MCM2: variants seen among roughly 807,000 people sequenced by gnomAD.
The protein encoded by MCM2 is DNA replication licensing factor MCM2.
A neutral mutation model predicts 86.4 loss-of-function variants in MCM2; 49 were observed. The observed-to-expected ratio is 0.57, with a 90% CI of 0.45 to 0.72. The LOEUF (loss-of-function observed/expected upper bound fraction) is 0.72. MCM2 is among the 30% of genes least tolerant of loss of function. The pLI, the probability that MCM2 is intolerant of heterozygous loss-of-function variation, is 0.00. For missense variants in MCM2, 1,038 were observed against 1,259.9 expected (o/e 0.82, Z 2.67); for synonymous variants, 475 against 484.6 (o/e 0.98, Z 0.26).
rs114925174 is a variant in MCM2, at chr3:127,605,908, A to G, written c.674-210A>G. Among the ~76,000 whole-genome samples, 543 of 152,246 alleles carry G rather than the reference A, an allele frequency of 3.6e-3. 1 individual carries two copies. The highest frequency in any genetic ancestry group is 0.012 in the African/African-American group (514 of 41,534). ...ATTTAACCCCCCAGCAACTTTGTAC[A>G]CTGTGTGACATGCCCATTTTACGGA... On this transcript the variant is annotated intron_variant, in intron 4 of 15. Transcript: ENST00000265056.
At position 127,606,181 on chromosome 3, in the gene MCM2, A is replaced by T; in HGVS notation, c.737A>T (p.Tyr246Phe). The T allele has an allele frequency of 6.2e-7, 1 of 1,614,234 alleles. No individual in the cohort carries two copies. Among genetic ancestry groups the T allele is most frequent in the Non-Finnish European group, 8.5e-7 (1 of 1,180,036 alleles). The change falls in exon 5 of 16, where the codon TAC (tyrosine) becomes TTC (phenylalanine). Residue 246 changes from tyrosine (Y) to phenylalanine (F), a missense_variant. Coordinates refer to ENST00000265056, the MANE Select transcript of MCM2 (RefSeq NM_004526.4). The surrounding 1 kb of genome is among the most constrained non-coding windows in gnomAD (Gnocchi z 4.2). The part of the protein sequence containing the change: ...DLAAREHVLA[Y>F]FLPEAPAELL... ...GCAGCCAGGGAGCACGTGCTGGCCT[A>T]CTTCCTGCCTGAGGCACCGGCGGAG...
chr3:127,607,886 A>G (rs2074362651), intron 6 of MCM2, among the ~76,000 whole-genome samples: 1 of 152,224 alleles, frequency 6.6e-6, no homozygotes, highest in African/African-American at 2.4e-5. Context: ...CTGCAGTGCC[A>G]TGTTGTGAGA....
At position 127,619,013 on chromosome 3, in the gene MCM2, A is replaced by G. The variant is rs2074454375; in HGVS notation, c.2014-14A>G. 6.4e-7 allele frequency: 1 copy of G among 1,572,450 alleles called. No individual in the cohort carries two copies. The highest frequency in any genetic ancestry group is 8.7e-7 in the Non-Finnish European group (1 of 1,155,172). On this transcript the variant is annotated splice_polypyrimidine_tract_variant and intron_variant, in intron 12 of 15. Transcript: ENST00000265056. The stretch of plus-strand genomic sequence containing the variant: ...CACCCACAATCAGACCCACCCTCTC[A>G]TGGCTTATCTTAGGACGAGATGCTG...
intron 4 of MCM2, among the ~76,000 whole-genome samples, chr3:127,605,891 C>T (rs1232771728): frequency 6.6e-6 from 1 of 152,164 alleles, no homozygotes; most frequent in Non-Finnish European, 1.5e-5. Context: ...TAATTTAACC[C>T]CCCAGCAACT....
In MCM2 at chr3:127,598,461, A is replaced by G; in HGVS notation, c.-6A>G. 1 of 1,613,268 alleles carries G rather than the reference A, an allele frequency of 6.2e-7. No homozygotes were observed. The highest frequency in any genetic ancestry group is 8.5e-7 in the Non-Finnish European group (1 of 1,179,514). On this transcript the variant is annotated 5_prime_UTR_variant, in exon 1 of 16. Transcript: ENST00000265056. ...CTGTAGTGGCGGAGAGGATCGTGGT[A>G]CTGCTATGGCGGTGAGCGCGCTGGC...
rs773631463 is a variant in MCM2 at position 127,606,671 on chromosome 3, C to T, written c.955C>T (p.Leu319=). The change falls in exon 6 of 16, where the codon CTG becomes TTG. Residue 319 remains leucine, a synonymous_variant. Coordinates refer to ENST00000265056, the MANE Select transcript of MCM2 (RefSeq NM_004526.4). The surrounding 1 kb of genome is among the most constrained non-coding windows in gnomAD (Gnocchi z 4.2). ...SGVVTSCTGV[L]PQLSMVKYNC... ...GGTGGTGACCAGCTGCACTGGCGTC[C>T]TGCCCCAGCTCAGCATGGTCAAGTA... 67 of 1,614,136 alleles carry T rather than the reference C, an allele frequency of 4.2e-5. No homozygotes were observed. In the South Asian group the frequency reaches 6.6e-4, roughly 16 times the overall value.
At chr3:127,621,609 GAA>G in intron 15 of MCM2, 52 bp from the exon 16 acceptor site, 2 of 1,213,870 alleles carry the variant, frequency 1.6e-6, no homozygotes, top group Non-Finnish European at 2.4e-6. Context: ...GGGCGCTCTG[GAA>G]ACAGCCTGTT....
intron 2 of MCM2, among the ~76,000 whole-genome samples, chr3:127,601,828 G>A (rs919640936): frequency 2.0e-5 from 3 of 152,170 alleles, no homozygotes; most frequent in Admixed American, 1.3e-4. Context: ...CCACTCCTCC[G>A]TGTTCTTGCC....
chr3:127,606,476 C>T lies in MCM2; in HGVS notation c.894-134C>T, dbSNP rs1051180531. On this transcript the variant is annotated intron_variant, in intron 5 of 15. Transcript: ENST00000265056. This position sits in a 1 kb window ranked among gnomAD's most constrained non-coding sequence, Gnocchi z 4.2. Reference sequence around the variant, plus strand: ...TCATCGCAGGTGAGTTGTGGTTGCACAGGAGTGTGATGGGAGGGATCTTCC... The same window carrying T: ...TCATCGCAGGTGAGTTGTGGTTGCATAGGAGTGTGATGGGAGGGATCTTCC... The T allele has an allele frequency of 5.1e-6, 6 of 1,174,184 alleles. No homozygotes were observed. In the African/African-American group the frequency reaches 6.1e-5, roughly 12 times the overall value. The allele number at this position is 1,174,184 out of a possible 1,614,324, so 72.7% of individuals were successfully genotyped here. A position where few individuals can be genotyped will look rare whatever the true frequency, so the allele number is the denominator to read the frequency against.
chr3:127,608,915 A>G lies in MCM2; in HGVS notation c.1320A>G (p.Leu440=), dbSNP rs1233273239. 7 of 1,614,162 alleles carry G rather than the reference A, an allele frequency of 4.3e-6. No individual in the cohort carries two copies. In the East Asian group the frequency reaches 1.6e-4, roughly 36 times the overall value. ...TCCCTGTCTTTGCCACTGTCATCCT[A>G]GCCAACCACGTGGCCAAGAAGGACA... ...NGFPVFATVI[L]ANHVAKKDNK... is the part of the protein sequence containing the mutation. The change falls in exon 8 of 16, where the codon CTA becomes CTG. Residue 440 remains leucine, a synonymous_variant. Coordinates refer to ENST00000265056, the MANE Select transcript of MCM2 (RefSeq NM_004526.4).
rs771983376 is a variant in MCM2, at chr3:127,620,760, C to T, written c.2328C>T (p.Ala776=). Residue 776 remains alanine (A), a synonymous_variant, in exon 14 of 16, where the codon GCC becomes GCT. Transcript: ENST00000265056. ...AGTCCATGATCCGCATGGCGGAGGC[C>T]CACGCGCGCATCCATCTGCGGGACT... ...HIESMIRMAE[A]HARIHLRDYV... The T allele has an allele frequency of 7.4e-6, 12 of 1,613,918 alleles. No homozygotes were observed. The East Asian group carries it at 2.7e-4, about 36-fold the overall frequency.
rs533135791 is a variant in MCM2, at chr3:127,617,706, C to T, written c.1901-263C>T. The T allele has an allele frequency of 7.0e-5, 41 of 585,218 alleles. No homozygotes were observed. Among genetic ancestry groups the T allele is most frequent in the African/African-American group, 1.9e-4 (10 of 53,678 alleles). The allele number at this position is 585,218 out of a possible 1,614,324, so 36.3% of individuals were successfully genotyped here. A position where few individuals can be genotyped will look rare whatever the true frequency, so the allele number is the denominator to read the frequency against. ...TGGCTGTTGGTCTCAGCAGCGAATG[C>T]GTAAAAGAACCCAGGCTCTGTCACC... On this transcript the variant is annotated intron_variant, in intron 11 of 15. Coordinates refer to ENST00000265056, the MANE Select transcript of MCM2 (RefSeq NM_004526.4). The surrounding 1 kb of genome is among the most constrained non-coding windows in gnomAD (Gnocchi z 4.1).
chr3:127,615,979 A>G, intron 9 of MCM2, 24 bp downstream of exon 9: 1 of 1,572,814 alleles, frequency 6.4e-7, no homozygotes, highest in East Asian at 2.2e-5. Flanking sequence ...TTTCCTCTGC[A>G]GGGGTGTTAG....
rs769107574 is a variant in MCM2, at chr3:127,615,980, G to A, written c.1522+25G>A. 2.2e-5 allele frequency: 35 copies of A among 1,573,636 alleles called. No individual in the cohort carries two copies. The Admixed American group carries it at 3.8e-4, about 17-fold the overall frequency. On this transcript the variant is annotated intron_variant, in intron 9 of 15. Coordinates refer to ENST00000265056, the MANE Select transcript of MCM2 (RefSeq NM_004526.4). The stretch of plus-strand genomic sequence containing the variant: ...GGTGAGCACCCACCTTTCCTCTGCA[G>A]GGGTGTTAGCAGCTTTCTCTTTGGG...
chr3:127,603,542 G>A (rs1331430046), intron 2 of MCM2, among the ~76,000 whole-genome samples: 1 of 152,218 alleles, frequency 6.6e-6, no homozygotes, highest in African/African-American at 2.4e-5. Context: ...CTGGAATGCA[G>A]TGGCACGAAC....
chr3:127,609,012 A>T lies in MCM2; in HGVS notation c.1417A>T (p.Ile473Phe), dbSNP rs751895936. 1.4e-5 allele frequency: 23 copies of T among 1,613,842 alleles called. No individual in the cohort carries two copies. In the South Asian group the frequency reaches 2.5e-4, roughly 18 times the overall value. The change falls in exon 8 of 16, where the codon ATC becomes TTC. Residue 473 changes from isoleucine to phenylalanine, a missense_variant. Physicochemically the swap from Ile to Phe is conservative, Grantham distance 21. Coordinates refer to ENST00000265056, the MANE Select transcript of MCM2 (RefSeq NM_004526.4). ...CACTAGCCTCTCCAAGGATCAGCAG[A>T]TCGGAGAGAAGGTAGGTGGAAGGCA... ...MITSLSKDQQ[I>F]GEKIFASIAP...
At position 127,608,967 on chromosome 3, in the gene MCM2, G is replaced by A. The variant is rs376973485; in HGVS notation, c.1372G>A (p.Asp458Asn). ...DNKVAVGELTDEDVKMITSLS... is the reference protein window; with the variant it reads ...DNKVAVGELTNEDVKMITSLS... ...CAAGGTTGCTGTAGGGGAACTGACC[G>A]ATGAAGATGTGAAGATGATCACTAG... is the stretch of plus-strand genomic sequence containing the variant. The change falls in exon 8 of 16, where the codon GAT (aspartate) becomes AAT (asparagine). Residue 458 changes from aspartate to asparagine, a missense_variant. Coordinates refer to ENST00000265056, the MANE Select transcript of MCM2 (RefSeq NM_004526.4). 10 of 1,614,076 alleles carry A rather than the reference G, an allele frequency of 6.2e-6. No individual in the cohort carries two copies. Among genetic ancestry groups the A allele is most frequent in the African/African-American group, 5.3e-5 (4 of 74,928 alleles).
At chr3:127,599,620 T>C in intron 2 of MCM2, 73 bp downstream of exon 2, 1 of 1,392,308 alleles carries the variant, frequency 7.2e-7, no homozygotes, top group Admixed American at 2.3e-5. Flanking sequence ...GTGGCCTGGC[T>C]TTGGGAGCTG....
intron 6 of MCM2, among the ~76,000 whole-genome samples, chr3:127,608,164 G>C (rs1260672115): frequency 6.6e-6 from 1 of 152,220 alleles, no homozygotes; most frequent in African/African-American, 2.4e-5. Context: ...AGCAGGTGCT[G>C]AGTCTGGCCG....
Sources: gnomAD v4.1 joint callset for allele counts (sites outside exome capture counted in the v4.1 genomes callset) on GRCh38, gnomAD v4.1.1 for gene constraint, Gnocchi (gnomAD v3.1) non-coding constraint, MANE v1.5 for transcripts, NCBI Gene and HGNC (gene_info 2026-07-23, HGNC 2026-07-21) for gene names.